The following CSNK2A2IP variants were observed in gnomAD, a reference collection of about 807,000 sequenced individuals.
CSNK2A2IP encodes the protein casein kinase 2 subunit alpha' interacting protein, also known as casein kinase II subunit alpha'-interacting protein.
the CSNK2A2IP span, among the ~76,000 whole-genome samples, chr3:88,463,247 A>C: frequency 1.7e-4 from 18 of 108,952 alleles, no homozygotes; most frequent in African/African-American, 5.4e-4. Context: ...TGTTGTGATC[A>C]CTTTAGTTTT....
the CSNK2A2IP span, among the ~76,000 whole-genome samples, chr3:88,360,232 C>T: frequency 6.6e-6 from 1 of 151,104 alleles, no homozygotes. Context: ...CCTCCAGGTT[C>T]ACGCCATTCT....
chr3:88,415,894 T>C, the CSNK2A2IP span, among the ~76,000 whole-genome samples: 1 of 151,978 alleles, frequency 6.6e-6, no homozygotes, highest in Non-Finnish European at 1.5e-5. Flanking sequence ...TAAGTTCTAT[T>C]GAGATGTCCT....
At chr3:88,465,916 C>T in the CSNK2A2IP span, 1 of 1,231,606 alleles carries the variant, frequency 8.1e-7, no homozygotes, top group Non-Finnish European at 1.0e-6. Context: ...ATTATTTCGC[C>T]TCCAAAATCA....
chr3:88,431,317 A>C, the CSNK2A2IP span: 5 of 152,230 alleles, frequency 3.3e-5, no homozygotes, highest in Non-Finnish European at 7.3e-5. Context: ...TAAGAAAAGA[A>C]TATTGGAGAC....
chr3:88,348,155 G>A, the CSNK2A2IP span, among the ~76,000 whole-genome samples: 2 of 151,500 alleles, frequency 1.3e-5, no homozygotes, highest in South Asian at 2.1e-4. Flanking sequence ...TTTACAAATT[G>A]TCCTTTGACC....
chr3:88,426,439 C>A, the CSNK2A2IP span, among the ~76,000 whole-genome samples: 2 of 152,216 alleles, frequency 1.3e-5, no homozygotes, highest in Non-Finnish European at 2.9e-5. Context: ...CTTACTGAAT[C>A]AGAATCTGTA....
chr3:88,408,776 CTG>C, the CSNK2A2IP span, among the ~76,000 whole-genome samples: 2 of 151,946 alleles, frequency 1.3e-5, no homozygotes, highest in African/African-American at 2.4e-5. Flanking sequence ...TGGCACCACA[CTG>C]TGCATCTCAA....
the CSNK2A2IP span, among the ~76,000 whole-genome samples, chr3:88,453,460 A>C: frequency 7.9e-5 from 12 of 152,156 alleles, no homozygotes; most frequent in Admixed American, 7.9e-4. Context: ...TACATACAAC[A>C]AGAATATTGA....
chr3:88,452,253 G>C, the CSNK2A2IP span, among the ~76,000 whole-genome samples: 1 of 151,458 alleles, frequency 6.6e-6, no homozygotes, highest in East Asian at 1.9e-4. Context: ...GGCTTTATCT[G>C]TGGAAGGTTC....
At chr3:88,419,530 A>G in the CSNK2A2IP span, among the ~76,000 whole-genome samples, 3 of 152,028 alleles carry the variant, frequency 2.0e-5, no homozygotes, top group African/African-American at 7.2e-5. Flanking sequence ...GGTTAATTCC[A>G]TGTCTTTGCT....
chr3:88,386,728 T>G, the CSNK2A2IP span, among the ~76,000 whole-genome samples: 1 of 152,214 alleles, frequency 6.6e-6, no homozygotes, highest in African/African-American at 2.4e-5. Flanking sequence ...TGGTGGTTAG[T>G]GAACGAAATG....
the CSNK2A2IP span, among the ~76,000 whole-genome samples, chr3:88,457,460 C>A: frequency 6.6e-6 from 1 of 151,868 alleles, no homozygotes; most frequent in Non-Finnish European, 1.5e-5. Context: ...CTTTGGGAGG[C>A]CGAGGTGGAT....
the CSNK2A2IP span, among the ~76,000 whole-genome samples, chr3:88,393,393 A>G: frequency 6.6e-6 from 1 of 152,226 alleles, no homozygotes; most frequent in South Asian, 2.1e-4. Context: ...GCATGGGAAA[A>G]GTAATTTTAG....
chr3:88,381,875 G>A, the CSNK2A2IP span, among the ~76,000 whole-genome samples: 2 of 152,148 alleles, frequency 1.3e-5, no homozygotes, highest in Non-Finnish European at 2.9e-5. Context: ...ATCTAAAAAT[G>A]TATCAAGTTA....
the CSNK2A2IP span, among the ~76,000 whole-genome samples, chr3:88,446,080 TTC>T: frequency 6.9e-6 from 1 of 145,706 alleles, no homozygotes; most frequent in African/African-American, 2.6e-5. Context: ...CTTTCTTTCT[TTC>T]TTTCTTTCTT....
At chr3:88,439,324 A>T in the CSNK2A2IP span, among the ~76,000 whole-genome samples, 1 of 152,102 alleles carries the variant, frequency 6.6e-6, no homozygotes, top group Non-Finnish European at 1.5e-5. Context: ...ACTTATTTTG[A>T]TCTCCCTTGT....
chr3:88,390,228 G>T, the CSNK2A2IP span, among the ~76,000 whole-genome samples: 7 of 152,118 alleles, frequency 4.6e-5, no homozygotes, highest in Admixed American at 3.9e-4. Flanking sequence ...AATCAAATGA[G>T]GCTGGCAAAC....
chr3:88,418,450 G>GTA, the CSNK2A2IP span, among the ~76,000 whole-genome samples: 3 of 114,854 alleles, frequency 2.6e-5, no homozygotes, highest in Non-Finnish European at 3.6e-5. Flanking sequence ...GTGTGTGTGT[G>GTA]TGTGTGTGTG....
chr3:88,435,071 A>G, the CSNK2A2IP span, among the ~76,000 whole-genome samples: 1 of 152,168 alleles, frequency 6.6e-6, no homozygotes, highest in African/African-American at 2.4e-5. Context: ...GATGGGCAGG[A>G]GAGTTCCCAT....
Sources: allele counts gnomAD v4.1 joint callset (sites outside exome capture counted in the v4.1 genomes callset), GRCh38; gene constraint gnomAD v4.1.1; transcripts MANE v1.5; gene names NCBI Gene and HGNC (gene_info 2026-07-23, HGNC 2026-07-21).